CNTNAP4: variants seen among roughly 807,000 people sequenced by gnomAD.
The protein encoded by CNTNAP4 is contactin-associated protein-like 4.
A neutral mutation model predicts 148.4 loss-of-function variants in CNTNAP4; 98 were observed. That is an observed-to-expected ratio of 0.66 (90% CI 0.56 to 0.78). The LOEUF (loss-of-function observed/expected upper bound fraction) is 0.78, where lower values mean the gene tolerates loss of function less well. CNTNAP4 is among the 30% of genes least tolerant of loss of function. CNTNAP4 has a pLI of 0.00. For synonymous variants in CNTNAP4, 730 were observed against 565.1 expected, an observed-to-expected ratio of 1.29 and a Z score of -4.14; for missense variants, 1,935 against 1,565.6, an observed-to-expected ratio of 1.24 and a Z score of -3.98.
At chr16:76,467,067 A>T (rs1218027873) in intron 9 of CNTNAP4, among the ~76,000 whole-genome samples, 4 of 152,040 alleles carry the variant, frequency 2.6e-5, no homozygotes, top group African/African-American at 9.7e-5. Flanking sequence ...CATGTTTAGG[A>T]TTCTGGAGCC....
chr16:76,557,740 A>G (rs1180239927), intron 23 of CNTNAP4: 1 of 152,196 alleles, frequency 6.6e-6, no homozygotes, highest in Non-Finnish European at 1.5e-5. Context: ...CCGTATTAAA[A>G]TGGAAATGGA....
intron 17 of CNTNAP4, among the ~76,000 whole-genome samples, chr16:76,526,153 C>T (rs74025030): frequency 0.036 from 5,476 of 152,094 alleles, 306 homozygotes; most frequent in African/African-American, 0.12. Flanking sequence ...TAGCAGAGTC[C>T]TCCTAATTTG....
chr16:76,418,022 T>C (rs1030362917), intron 3 of CNTNAP4, among the ~76,000 whole-genome samples: 1 of 151,776 alleles, frequency 6.6e-6, no homozygotes, highest in African/African-American at 2.4e-5. Context: ...CTCTGCTTCT[T>C]CCAAAATTTT....
intron 15 of CNTNAP4, among the ~76,000 whole-genome samples, chr16:76,517,045 A>G (rs1485189062): frequency 4.6e-5 from 7 of 152,232 alleles, no homozygotes; most frequent in Non-Finnish European, 8.8e-5. Context: ...CCTGGGTGAG[A>G]GCAAGAATCT....
At chr16:76,460,770 AAAAATAT>A (rs2080920252) in intron 8 of CNTNAP4, among the ~76,000 whole-genome samples, 1 of 75,312 alleles carries the variant, frequency 1.3e-5, no homozygotes, top group African/African-American at 4.0e-5. Flanking sequence ...AAAAAAAAAA[AAAAATAT>A]ATATATATAT....
intron 1 of CNTNAP4, chr16:76,316,123 A>C: frequency 2.2e-6 from 1 of 457,114 alleles, no homozygotes; most frequent in East Asian, 3.3e-5. Flanking sequence ...ATACAGTTAA[A>C]TTTGTGAATC....
intron 21 of CNTNAP4, among the ~76,000 whole-genome samples, chr16:76,548,512 C>G (rs1005232861): frequency 6.6e-6 from 1 of 151,672 alleles, no homozygotes; most frequent in Non-Finnish European, 1.5e-5. Context: ...ACAGTCGTTT[C>G]TCTGTAATAG....
chr16:76,491,220 C>T (rs2082208500), intron 13 of CNTNAP4, among the ~76,000 whole-genome samples: 1 of 152,134 alleles, frequency 6.6e-6, no homozygotes, highest in Non-Finnish European at 1.5e-5. Context: ...CTGGAACCCA[C>T]ACCAAACTTA....
chr16:76,349,349 G>A (rs59071741), intron 2 of CNTNAP4, among the ~76,000 whole-genome samples: 28,967 of 152,064 alleles, frequency 0.19, 3,493 homozygotes, highest in East Asian at 0.47. Context: ...AATCACTGTG[G>A]TCAAAGTAGG....
At chr16:76,378,095 T>C (rs1427235061) in intron 3 of CNTNAP4, among the ~76,000 whole-genome samples, 1 of 152,114 alleles carries the variant, frequency 6.6e-6, no homozygotes, top group Non-Finnish European at 1.5e-5. Flanking sequence ...ATAACAATAT[T>C]AAGAGAGTTT....
chr16:76,495,305 G>C, intron 14 of CNTNAP4: 1 of 292,090 alleles, frequency 3.4e-6, no homozygotes, highest in Non-Finnish European at 6.3e-6. Flanking sequence ...TAATCAAACA[G>C]AGACACCTGT....
intron 15 of CNTNAP4, among the ~76,000 whole-genome samples, chr16:76,510,467 T>C (rs1350959026): frequency 2.9e-5 from 3 of 103,588 alleles, no homozygotes; most frequent in Non-Finnish European, 2.6e-5. Flanking sequence ...CATCCATGTA[T>C]GCTTTTTTTT....
intron 4 of CNTNAP4, among the ~76,000 whole-genome samples, chr16:76,440,475 T>C (rs960996932): frequency 1.3e-4 from 20 of 152,160 alleles, no homozygotes; most frequent in African/African-American, 4.6e-4. Flanking sequence ...TCCACAATTA[T>C]CGGCAAGTAC....
intron 1 of CNTNAP4, among the ~76,000 whole-genome samples, chr16:76,288,533 A>G (rs1190566642): frequency 1.3e-5 from 2 of 152,120 alleles, no homozygotes; most frequent in Admixed American, 6.6e-5. Flanking sequence ...TTGTCCATGG[A>G]GTCTCACCAC....
At chr16:76,374,837 C>T (rs1475137657) in intron 3 of CNTNAP4, among the ~76,000 whole-genome samples, 6 of 151,580 alleles carry the variant, frequency 4.0e-5, no homozygotes, top group African/African-American at 9.7e-5. Context: ...GGCTCAATCT[C>T]GGCTCACAGC....
At chr16:76,336,686 A>G (rs1374944528) in intron 2 of CNTNAP4, among the ~76,000 whole-genome samples, 5 of 152,236 alleles carry the variant, frequency 3.3e-5, no homozygotes, top group Admixed American at 1.3e-4. Context: ...CATAGCTTAA[A>G]TAACTTGTTT....
chr16:76,441,457 A>C (rs140297400), intron 4 of CNTNAP4, among the ~76,000 whole-genome samples: 1 of 152,146 alleles, frequency 6.6e-6, no homozygotes. Flanking sequence ...GGGAGAATTG[A>C]TATGAGAGTA....
intron 1 of CNTNAP4, among the ~76,000 whole-genome samples, chr16:76,294,530 G>A (rs897706290): frequency 6.6e-6 from 1 of 152,158 alleles, no homozygotes; most frequent in Non-Finnish European, 1.5e-5. Flanking sequence ...CATTGACACT[G>A]ATGATTCAGT....
At chr16:76,283,988 A>T (rs1038260214) in intron 1 of CNTNAP4, among the ~76,000 whole-genome samples, 24 of 152,040 alleles carry the variant, frequency 1.6e-4, no homozygotes, top group African/African-American at 5.8e-4. Context: ...AATATATCTG[A>T]TGAAATATTA....
Sources: allele counts gnomAD v4.1 joint callset (sites outside exome capture counted in the v4.1 genomes callset), GRCh38; gene constraint gnomAD v4.1.1; transcripts MANE v1.5; gene names NCBI Gene and HGNC (gene_info 2026-07-23, HGNC 2026-07-21).